Variants in INPP4B observed in about 807,000 individuals in gnomAD.
INPP4B encodes inositol polyphosphate 4-phosphatase type II.
INPP4B carries 55 observed loss-of-function variants against 122.5 expected under a neutral mutation model. The ratio of observed to expected loss-of-function variants is 0.45; its 90% CI spans 0.36 to 0.56. The LOEUF (loss-of-function observed/expected upper bound fraction) is 0.56, where lower values mean the gene tolerates loss of function less well. INPP4B is among the 20% of genes least tolerant of loss of function. The probability of loss-of-function intolerance (pLI) is 0.00; values close to 1 mark genes in which losing one functional copy is unlikely to be tolerated. For missense variants in INPP4B, 1,000 were observed against 1,097.7 expected, an observed-to-expected ratio of 0.91 and a Z score of 1.26; for synonymous variants, 403 against 388.7, an observed-to-expected ratio of 1.04 and a Z score of -0.43.
chr4:142,405,464 CCCTTGGAAGTA>C (rs1253563922), intron 5 of INPP4B, 140 bp from the exon 6 acceptor site: 3 of 622,510 alleles, frequency 4.8e-6, no homozygotes, highest in African/African-American at 3.7e-5. Flanking sequence ...CAGAGGAAGT[CCCTTGGAAGTA>C]CCTTACAGAA....
chr4:142,669,493 G>C (rs1005316542), intron 2 of INPP4B, among the ~76,000 whole-genome samples: 1 of 151,938 alleles, frequency 6.6e-6, no homozygotes, highest in African/African-American at 2.4e-5. Flanking sequence ...AGAAAGGAGA[G>C]CCCAGAAATA....
chr4:142,072,482 A>AT (rs1437953304), intron 25 of INPP4B, among the ~76,000 whole-genome samples: 1 of 143,346 alleles, frequency 7.0e-6, no homozygotes, highest in African/African-American at 2.9e-5. Context: ...GATAATAATA[A>AT]AAAAAAAAGT....
intron 2 of INPP4B, among the ~76,000 whole-genome samples, chr4:142,673,148 T>G (rs991350239): frequency 6.6e-6 from 1 of 152,182 alleles, no homozygotes; most frequent in African/African-American, 2.4e-5. Flanking sequence ...ATACAAAGTC[T>G]TAAAATCACA....
At chr4:142,645,504 G>A (rs572624696) in intron 2 of INPP4B, among the ~76,000 whole-genome samples, 4 of 152,256 alleles carry the variant, frequency 2.6e-5, no homozygotes, top group South Asian at 4.1e-4. Flanking sequence ...GTGGCCATGT[G>A]TCTAAATTTT....
In INPP4B at chr4:142,252,998, C is replaced by T. The variant is rs76245631; in HGVS notation, c.688+7494G>A. ...ACTACACACCTACGCTCCAGGGTATCGCCTATTGCTCCTAGGCTACAATCT... is the reference window on the plus strand; with the variant it reads ...ACTACACACCTACGCTCCAGGGTATTGCCTATTGCTCCTAGGCTACAATCT... On this transcript the variant is annotated intron_variant, in intron 11 of 25. Coordinates refer to ENST00000262992, the MANE Select transcript of INPP4B (RefSeq NM_001101669.3). 2.1e-4 allele frequency among the ~76,000 whole-genome samples: 32 copies of T among 152,312 alleles called. No homozygotes were observed. In the East Asian group the frequency reaches 4.3e-3, roughly 20 times the overall value.
intron 6 of INPP4B, 85 bp downstream of exon 6, chr4:142,405,121 G>GGGGT (rs377697431): frequency 4.3e-6 from 3 of 704,126 alleles, no homozygotes; most frequent in Non-Finnish European, 2.5e-6. Context: ...GCGGGGGTGG[G>GGGGT]GGGGAGGGAG....
chr4:142,795,276 A>C (rs1777078585), intron 1 of INPP4B: 1 of 152,044 alleles, frequency 6.6e-6, no homozygotes, highest in Non-Finnish European at 1.5e-5. Flanking sequence ...AGAAAAAGCA[A>C]GGAAACTGTA....
chr4:142,331,736 T>C (rs1774584658), intron 7 of INPP4B, among the ~76,000 whole-genome samples: 1 of 152,202 alleles, frequency 6.6e-6, no homozygotes, highest in Non-Finnish European at 1.5e-5. Flanking sequence ...CCAGAATCAG[T>C]CTCATGACAT....
chr4:142,498,197 G>T (rs10018890), intron 2 of INPP4B, among the ~76,000 whole-genome samples: 5 of 148,798 alleles, frequency 3.4e-5, no homozygotes, highest in African/African-American at 1.3e-4. Context: ...ATGTGTGTGC[G>T]TGTGTGTATA....
Position 142,334,769 on chromosome 4 carries a change from G to A in INPP4B, c.373-20007C>T, listed in dbSNP as rs532436290. Among the ~76,000 whole-genome samples, 21 of 151,974 alleles carry A rather than the reference G, an allele frequency of 1.4e-4. No homozygotes were observed. The South Asian group carries it at 2.1e-3, about 15-fold the overall frequency. On this transcript the variant is annotated intron_variant, in intron 7 of 25. Coordinates refer to ENST00000262992, the MANE Select transcript of INPP4B (RefSeq NM_001101669.3). The stretch of plus-strand genomic sequence containing the variant: ...GTCTTCTTTGGATAAATGTCTGTTC[G>A]GGTCCTTTGCCCTTTCTTGAACTGA...
At chr4:142,741,173 A>G (rs1258014607) in intron 1 of INPP4B, among the ~76,000 whole-genome samples, 2 of 152,038 alleles carry the variant, frequency 1.3e-5, no homozygotes, top group East Asian at 3.9e-4. Context: ...AATACCTGAG[A>G]CTGGGTAATT....
intron 2 of INPP4B, among the ~76,000 whole-genome samples, chr4:142,723,066 T>C (rs977922182): frequency 3.6e-4 from 54 of 152,062 alleles, no homozygotes; most frequent in Admixed American, 1.8e-3. Flanking sequence ...CTGTAAACAA[T>C]ATATTTACAA....
chr4:142,771,600 A>G (rs549088092), intron 1 of INPP4B, among the ~76,000 whole-genome samples: 12 of 152,270 alleles, frequency 7.9e-5, no homozygotes, highest in Middle Eastern at 3.4e-3. Flanking sequence ...GGACTTATTC[A>G]TGAATACAGT....
At chr4:142,296,596 C>T (rs1304189405) in intron 9 of INPP4B, among the ~76,000 whole-genome samples, 1 of 152,228 alleles carries the variant, frequency 6.6e-6, no homozygotes, top group Non-Finnish European at 1.5e-5. Context: ...TCATGTGATC[C>T]TCACAGAGAA....
At chr4:142,698,612 G>A (rs917515467) in intron 2 of INPP4B, among the ~76,000 whole-genome samples, 2 of 152,138 alleles carry the variant, frequency 1.3e-5, no homozygotes. Context: ...AGGAATCTGG[G>A]TTTTGGCTAA....
At chr4:142,803,086 C>T (rs773206069) in intron 1 of INPP4B, among the ~76,000 whole-genome samples, 2 of 149,648 alleles carry the variant, frequency 1.3e-5, no homozygotes, top group Admixed American at 6.7e-5. Flanking sequence ...GCAGGAGAAT[C>T]GCTTGAACCC....
intron 1 of INPP4B, among the ~76,000 whole-genome samples, chr4:142,727,919 C>T (rs1205224388): frequency 2.6e-5 from 4 of 152,136 alleles, no homozygotes; most frequent in Non-Finnish European, 4.4e-5. Context: ...AACTTGTGCA[C>T]ACGGCTGACA....
intron 2 of INPP4B, among the ~76,000 whole-genome samples, chr4:142,529,249 C>A (rs1827299567): frequency 6.6e-6 from 1 of 152,014 alleles, no homozygotes; most frequent in Non-Finnish European, 1.5e-5. Context: ...TTGCTATTAA[C>A]CTTTGGGAAA....
chr4:142,674,987 A>C (rs944096817), intron 2 of INPP4B, among the ~76,000 whole-genome samples: 1 of 152,174 alleles, frequency 6.6e-6, no homozygotes, highest in Non-Finnish European at 1.5e-5. Context: ...AGCTAGTGGA[A>C]GACAAGAATA....
Sources: allele counts gnomAD v4.1 joint callset (sites outside exome capture counted in the v4.1 genomes callset), GRCh38; gene constraint gnomAD v4.1.1; transcripts MANE v1.5; gene names NCBI Gene and HGNC (gene_info 2026-07-23, HGNC 2026-07-21).